The following PC variants were observed in gnomAD, a reference collection of about 807,000 sequenced individuals.
The protein encoded by PC is pyruvate carboxylase, also known as pyruvate carboxylase, mitochondrial.
A neutral mutation model predicts 107.8 loss-of-function variants in PC; 46 were observed. That is an observed-to-expected ratio of 0.43 (90% confidence interval 0.34 to 0.55). PC has a LOEUF of 0.55. PC is among the 20% of genes least tolerant of loss of function. The pLI is 0.04. For missense variants in PC, 1,241 were observed against 1,643.1 expected (o/e 0.76, Z 4.23); for synonymous variants, 662 against 684.7 (o/e 0.97, Z 0.52).
rs150222450 is a variant in PC at position 66,851,169 on chromosome 11, G to A, written c.2094C>T (p.Gly698=). Residue 698 remains glycine (G), a synonymous_variant, in exon 17 of 23, where the codon GGC becomes GGT. Coordinates refer to ENST00000393960, the MANE Select transcript of PC (RefSeq NM_001040716.2). ...LGMEAAGSAG[G]VVEAAISYTG... is the part of the protein sequence containing the mutation. Reference sequence around the variant, plus strand: ...TGTATGAGATGGCAGCCTCCACCACGCCTCCGGCACTTCCTGCCGCCTCCA... The same window carrying A: ...TGTATGAGATGGCAGCCTCCACCACACCTCCGGCACTTCCTGCCGCCTCCA... 12 of 1,611,820 alleles carry A rather than the reference G, an allele frequency of 7.4e-6. No individual in the cohort carries two copies. The highest frequency in any genetic ancestry group is 4.0e-5 in the African/African-American group (3 of 74,922).
Position 66,871,109 on chromosome 11 carries a change from G to A in PC, c.576C>T (p.Ile192=), listed in dbSNP as rs758308970. The A allele has an allele frequency of 6.2e-7, 1 of 1,613,992 alleles. No homozygotes were observed. Among genetic ancestry groups the A allele is most frequent in the South Asian group, 1.1e-5 (1 of 91,018 alleles). ...EFSNTYGFPI[I]FKAAYGGGGR... is the part of the protein sequence containing the mutation. ...CTCCACCCCCATAGGCCGCCTTGAA[G>A]ATGATGGGGAAGCCGTAGGTGTTGG... Residue 192 remains isoleucine, a synonymous_variant, in exon 7 of 23, where the codon ATC becomes ATT. Transcript: ENST00000393960. The surrounding 1 kb of genome is among the most constrained non-coding windows in gnomAD (Gnocchi z 7.4).
At position 66,850,128 on chromosome 11, in the gene PC, G is replaced by A. The variant is rs1271400055; in HGVS notation, c.2719-12C>T. 3.1e-6 allele frequency: 5 copies of A among 1,613,826 alleles called. No homozygotes were observed. Among genetic ancestry groups the A allele is most frequent in the Non-Finnish European group, 4.2e-6 (5 of 1,180,034 alleles). On this transcript the variant is annotated splice_polypyrimidine_tract_variant and intron_variant, in intron 19 of 22. Coordinates refer to ENST00000393960, the MANE Select transcript of PC (RefSeq NM_001040716.2). ...GAGGAGGGCGTCACCTGAGGAGAAG[G>A]CCCTGGAGGTTAGGGTGCCAGGCAC... is the stretch of plus-strand genomic sequence containing the variant.
At chr11:66,945,182 A>G (rs1482123278) in intron 3 of PC, among the ~76,000 whole-genome samples, 1 of 116,982 alleles carries the variant, frequency 8.5e-6, no homozygotes, top group East Asian at 2.6e-4. Flanking sequence ...TTATTTGAAA[A>G]GGTTTAAGAG....
chr11:66,878,087 G>T (rs1325114618), intron 3 of PC, among the ~76,000 whole-genome samples: 1 of 152,162 alleles, frequency 6.6e-6, no homozygotes, highest in Non-Finnish European at 1.5e-5. Flanking sequence ...CTGCTACACC[G>T]ACTCCTTGGG....
At chr11:66,899,385 CATA>C (rs1331284419) in intron 3 of PC, among the ~76,000 whole-genome samples, 1 of 152,048 alleles carries the variant, frequency 6.6e-6, no homozygotes, top group African/African-American at 2.4e-5. Context: ...ATGGTGGTCC[CATA>C]ATATTATTGA....
chr11:66,848,823 C>T lies in PC; in HGVS notation c.*76G>A, dbSNP rs1945296333. ...CGGCCTTCCTGGCCTCGGGCACTGG[C>T]TGGCCTGGGCCTGCCGTGGCAGCAC... On this transcript the variant is annotated 3_prime_UTR_variant, in exon 23 of 23. Transcript: ENST00000393960. 2 of 1,602,244 alleles carry T rather than the reference C, an allele frequency of 1.2e-6. No individual in the cohort carries two copies. Among genetic ancestry groups the T allele is most frequent in the Admixed American group, 3.3e-5 (2 of 59,886 alleles).
chr11:66,928,792 TG>T (rs1265067036), intron 3 of PC, among the ~76,000 whole-genome samples: 3 of 152,100 alleles, frequency 2.0e-5, no homozygotes, highest in Non-Finnish European at 4.4e-5. Flanking sequence ...CCCAAAGTGC[TG>T]GGATTACAAG....
At chr11:66,883,083 G>C (rs1947241330) in intron 3 of PC, among the ~76,000 whole-genome samples, 1 of 152,224 alleles carries the variant, frequency 6.6e-6, no homozygotes, top group Non-Finnish European at 1.5e-5. Context: ...GCTCCAAGTG[G>C]CACTGCGGCG....
intron 16 of PC, 35 bp downstream of exon 16, chr11:66,851,755 C>G (rs1276771342): frequency 6.2e-7 from 1 of 1,610,442 alleles, no homozygotes. Flanking sequence ...CTGGGCCACA[C>G]CAGGTAGCGT....
chr11:66,921,972 G>A (rs1028506947), intron 3 of PC, among the ~76,000 whole-genome samples: 6 of 152,246 alleles, frequency 3.9e-5, no homozygotes, highest in South Asian at 2.1e-4. Context: ...GACATCACTC[G>A]CAAGGAGTTC....
chr11:66,956,512 G>A (rs1949565107), intron 1 of PC, among the ~76,000 whole-genome samples: 1 of 152,110 alleles, frequency 6.6e-6, no homozygotes, highest in Admixed American at 6.5e-5. Context: ...TTGAACTCGG[G>A]AGGCGGAGGT....
rs71457744 is a variant in PC, at chr11:66,852,422, G to A, written c.1825+17C>T. On this transcript the variant is annotated intron_variant, in intron 15 of 22. Transcript: ENST00000393960. The surrounding 1 kb of genome is among the most constrained non-coding windows in gnomAD (Gnocchi z 4.7). ...GGCGCCCATTCCTACCAGGCGCTGC[G>A]CAGCATGCCAGCCTACCTCCCCAGT... 7.2e-5 allele frequency: 115 copies of A among 1,603,582 alleles called. No individual in the cohort carries two copies. In the African/African-American group the frequency reaches 8.5e-4, roughly 12 times the overall value.
In PC at chr11:66,871,286, G is replaced by A. The variant is rs1206316503; in HGVS notation, c.487+29C>T. The A allele has an allele frequency of 1.9e-6, 3 of 1,614,038 alleles. No homozygotes were observed. The highest frequency in any genetic ancestry group is 1.6e-4 in the Middle Eastern group (1 of 6,062). On this transcript the variant is annotated intron_variant, in intron 6 of 22. Transcript: ENST00000393960. This position sits in a 1 kb window ranked among gnomAD's most constrained non-coding sequence, Gnocchi z 7.4. The stretch of plus-strand genomic sequence containing the variant: ...CTGGACCCTCTCCAGGAGCTGCGGG[G>A]CCACCCCTTGCTTGCCCGTTATATT...
Position 66,858,560 on chromosome 11 carries a change from C to T in PC, c.1369-5177G>A, listed in dbSNP as rs770206065. On this transcript the variant is annotated intron_variant, in intron 12 of 22. Coordinates refer to ENST00000393960, the MANE Select transcript of PC (RefSeq NM_001040716.2). The surrounding 1 kb of genome is among the most constrained non-coding windows in gnomAD (Gnocchi z 5.9). ...CCGGCCGCTACTTCTGGGCAGTGCC[C>T]GAGGGCGAGTTCTCCTGTGAGCCGC... The T allele has an allele frequency of 5.3e-5, 82 of 1,532,994 alleles. 1 individual carries two copies. In the South Asian group the frequency reaches 6.9e-4, roughly 13 times the overall value. 95.0% of individuals were successfully genotyped at this position (1,532,994 alleles called of 1,614,324 possible).
At chr11:66,853,144 A>AG in intron 13 of PC, 95 bp downstream of exon 13, 1 of 1,407,530 alleles carries the variant, frequency 7.1e-7, no homozygotes, top group Non-Finnish European at 9.8e-7. Flanking sequence ...GGCACTAAGG[A>AG]GTTCTTTGGT....
Position 66,858,568 on chromosome 11 carries a change from A to G in PC, c.1369-5185T>C. 1 of 1,532,818 alleles carries G rather than the reference A, an allele frequency of 6.5e-7. No homozygotes were observed. 95.0% of individuals were successfully genotyped at this position (1,532,818 alleles called of 1,614,324 possible). On this transcript the variant is annotated intron_variant, in intron 12 of 22. Transcript: ENST00000393960. The surrounding 1 kb of genome is among the most constrained non-coding windows in gnomAD (Gnocchi z 5.9). ...TACTTCTGGGCAGTGCCCGAGGGCGAGTTCTCCTGTGAGCCGCCCCTCATT... is the reference window on the plus strand; with the variant it reads ...TACTTCTGGGCAGTGCCCGAGGGCGGGTTCTCCTGTGAGCCGCCCCTCATT...
At chr11:66,943,724 C>CTA (rs1949207290) in intron 3 of PC, among the ~76,000 whole-genome samples, 1 of 130,150 alleles carries the variant, frequency 7.7e-6, no homozygotes, top group Non-Finnish European at 1.6e-5. Flanking sequence ...CCACTGCTCT[C>CTA]CAGCCTGGGC....
chr11:66,883,683 C>T (rs1478015417), intron 3 of PC, among the ~76,000 whole-genome samples: 1 of 152,162 alleles, frequency 6.6e-6, no homozygotes, highest in African/African-American at 2.4e-5. Context: ...CCCACATCTC[C>T]CTGGCACTCT....
chr11:66,862,504 C>G (rs996710865), intron 12 of PC, among the ~76,000 whole-genome samples: 7 of 152,172 alleles, frequency 4.6e-5, no homozygotes, highest in Non-Finnish European at 1.0e-4. Context: ...AAGGAGGACA[C>G]GAGGCCAAGG....
Sources: gnomAD v4.1 joint callset for allele counts (sites outside exome capture counted in the v4.1 genomes callset) on GRCh38, gnomAD v4.1.1 for gene constraint, Gnocchi (gnomAD v3.1) non-coding constraint, MANE v1.5 for transcripts, NCBI Gene and HGNC (gene_info 2026-07-23, HGNC 2026-07-21) for gene names.